The following NLRX1 variants were observed in gnomAD, a reference collection of about 807,000 sequenced individuals.
The protein encoded by NLRX1 is NLR family member X1.
NLRX1 carries 67 observed loss-of-function variants against 74.2 expected under a neutral mutation model. The ratio of observed to expected loss-of-function variants is 0.90; its 90% CI spans 0.74 to 1.11. The LOEUF (loss-of-function observed/expected upper bound fraction) is 1.11, where lower values mean the gene tolerates loss of function less well. Ranked by LOEUF, NLRX1 falls within the 50% of genes least tolerant of loss-of-function variation. The probability of loss-of-function intolerance (pLI) is 0.00; values close to 1 mark genes in which losing one functional copy is unlikely to be tolerated. For synonymous variants in NLRX1, 506 were observed against 559.1 expected (o/e 0.91, Z 1.34); for missense variants, 1,191 against 1,305.4 (o/e 0.91, Z 1.35).
chr11:119,170,058 A>G (rs60336388), intron 1 of NLRX1, among the ~76,000 whole-genome samples: 3,824 of 150,116 alleles, frequency 0.025, 198 homozygotes, highest in African/African-American at 0.088. Context: ...TAACAGAGGA[A>G]AAAGGTCATT....
chr11:119,180,005 C>T lies in NLRX1; in HGVS notation c.1984C>T (p.Leu662=), dbSNP rs1229648472. 5 of 1,613,718 alleles carry T rather than the reference C, an allele frequency of 3.1e-6. No individual in the cohort carries two copies. In the South Asian group the frequency reaches 4.4e-5, roughly 14 times the overall value. ...GAATGCCCAGGCCATCAAGAAGAAGCTGGGCAAGCTGGGCCGGCAGGTGCT... is the reference window on the plus strand; with the variant it reads ...GAATGCCCAGGCCATCAAGAAGAAGTTGGGCAAGCTGGGCCGGCAGGTGCT... The part of the protein sequence containing the change: ...LENAQAIKKK[L]GKLGRQVLPP... Residue 662 remains leucine (L), a synonymous_variant, in exon 7 of 10, where the codon CTG becomes TTG. Coordinates refer to ENST00000409109, the MANE Select transcript of NLRX1 (RefSeq NM_001282144.2).
At position 119,171,471 on chromosome 11, in the gene NLRX1, C is replaced by T. The variant is rs916676401; in HGVS notation, c.68C>T (p.Pro23Leu). ...GSGFRRALQR[P>L]DDRIPFLIHW... ...GGTTTTAGAAGAGCACTCCAGCGAC[C>T]AGGTGAGCAGGAAGCAGGGGTTTCT... The change falls in exon 2 of 10, where the codon CCA becomes CTA. Residue 23 changes from proline to leucine, a missense_variant and splice_region_variant. Transcript: ENST00000409109. 22 of 1,610,868 alleles carry T rather than the reference C, an allele frequency of 1.4e-5. No individual in the cohort carries two copies. The highest frequency in any genetic ancestry group is 1.7e-5 in the Non-Finnish European group (20 of 1,177,098).
At chr11:119,171,954 C>CA (rs555636753) in intron 2 of NLRX1, among the ~76,000 whole-genome samples, 1,620 of 134,946 alleles carry the variant, frequency 0.012, 21 homozygotes, top group African/African-American at 0.033. Flanking sequence ...GACTCTGTCT[C>CA]AAAAAAAAAA....
At chr11:119,178,617 G>T (rs565595525) in intron 6 of NLRX1, among the ~76,000 whole-genome samples, 1 of 152,204 alleles carries the variant, frequency 6.6e-6, no homozygotes, top group African/African-American at 2.4e-5. Flanking sequence ...GGAAGGGCAT[G>T]TCGTCTGACC....
chr11:119,182,752 T>C (rs540999909), intron 9 of NLRX1, among the ~76,000 whole-genome samples: 1 of 152,056 alleles, frequency 6.6e-6, no homozygotes, highest in East Asian at 1.9e-4. Flanking sequence ...CTGGGTGTGG[T>C]GGTGCGCACC....
rs1948618554 is a variant in NLRX1 at position 119,173,859 on chromosome 11, TC to T, written c.613del (p.Leu205TrpfsTer19). The T allele has an allele frequency of 3.1e-6, 5 of 1,613,594 alleles. No homozygotes were observed. The South Asian group carries it at 5.5e-5, about 18-fold the overall frequency. ...LIPFSCEDLS[S>X]LGPAPASLCQ... is the part of the protein sequence containing the mutation. ...CCCCTTCTCCTGTGAGGACCTGTCATCCCTGGGCCCTGCCCCAGCCTCCCTG... is the reference window on the plus strand; with the variant it reads ...CCCCTTCTCCTGTGAGGACCTGTCATCCTGGGCCCTGCCCCAGCCTCCCTG... On this transcript the variant is annotated frameshift_variant, in exon 5 of 10. Coordinates refer to ENST00000409109, the MANE Select transcript of NLRX1 (RefSeq NM_001282144.2). LOFTEE classifies it high-confidence loss of function. This position sits in a 1 kb window ranked among gnomAD's most constrained non-coding sequence, Gnocchi z 4.0.
Position 119,171,578 on chromosome 11 carries a change from C to G in NLRX1, c.70+105C>G, listed in dbSNP as rs143104172. ...ATCCAGACACCAGGTGCACTAGTCT[C>G]AGCTCCGTGGTTCTCTAGCTGTTGA... On this transcript the variant is annotated intron_variant, in intron 2 of 9. Coordinates refer to ENST00000409109, the MANE Select transcript of NLRX1 (RefSeq NM_001282144.2). The G allele has an allele frequency of 1.2e-4, 94 of 760,874 alleles. No individual in the cohort carries two copies. The African/African-American group carries it at 1.3e-3, about 10-fold the overall frequency. The allele number at this position is 760,874 out of a possible 1,614,324, so 47.1% of individuals were successfully genotyped here. A position where few individuals can be genotyped will look rare whatever the true frequency, so the allele number is the denominator to read the frequency against.
At chr11:119,180,538 C>T (rs1024716459) in intron 7 of NLRX1, among the ~76,000 whole-genome samples, 5 of 152,000 alleles carry the variant, frequency 3.3e-5, no homozygotes, top group African/African-American at 1.2e-4. Context: ...CCTGTCTCTA[C>T]TAAAAATACA....
rs1322248949 is a variant in NLRX1 at position 119,180,173 on chromosome 11, G to A, written c.2152G>A (p.Ala718Thr). The A allele has an allele frequency of 1.9e-6, 3 of 1,613,200 alleles. No homozygotes were observed. The South Asian group carries it at 3.3e-5, about 18-fold the overall frequency. The change falls in exon 7 of 10, where the codon GCT becomes ACT. Residue 718 changes from alanine to threonine, a missense_variant. Ala to Thr is a moderately conservative substitution (Grantham distance 58). Coordinates refer to ENST00000409109, the MANE Select transcript of NLRX1 (RefSeq NM_001282144.2). The part of the protein sequence containing the change: ...MTPVKCTVVA[A>T]VLGSGRHALD... Reference sequence around the variant, plus strand: ...ACCAGTCAAGTGCACAGTGGTGGCAGCTGTGCTGGGCAGCGGAAGGCATGC... The same window carrying A: ...ACCAGTCAAGTGCACAGTGGTGGCAACTGTGCTGGGCAGCGGAAGGCATGC...
At chr11:119,170,893 C>T (rs1405283191) in intron 1 of NLRX1, among the ~76,000 whole-genome samples, 2 of 152,230 alleles carry the variant, frequency 1.3e-5, no homozygotes, top group African/African-American at 4.8e-5. Flanking sequence ...CTTGTAATCC[C>T]AGCACTTTGC....
chr11:119,176,585 G>T (rs1311423394), intron 6 of NLRX1, among the ~76,000 whole-genome samples: 1 of 152,152 alleles, frequency 6.6e-6, no homozygotes, highest in Non-Finnish European at 1.5e-5. Context: ...TACTTGGGAG[G>T]CTGAGACGGG....
intron 5 of NLRX1, 38 bp downstream of exon 5, chr11:119,174,136 G>T: frequency 6.3e-7 from 1 of 1,598,790 alleles, no homozygotes; most frequent in Non-Finnish European, 8.5e-7. Context: ...ACTGCTGCCC[G>T]TTGACTCGCC....
In NLRX1 at chr11:119,183,584, C is replaced by G; in HGVS notation, c.*145C>G. The stretch of plus-strand genomic sequence containing the variant: ...GGGCATAGCTGAGCCAGTTGCCCTC[C>G]TAGGGCATGTTTGACCAGGACTGAG... On this transcript the variant is annotated 3_prime_UTR_variant, in exon 10 of 10. Coordinates refer to ENST00000409109, the MANE Select transcript of NLRX1 (RefSeq NM_001282144.2). The surrounding 1 kb of genome is among the most constrained non-coding windows in gnomAD (Gnocchi z 5.7). The G allele has an allele frequency of 8.6e-6, 7 of 810,308 alleles. No homozygotes were observed. Among genetic ancestry groups the G allele is most frequent in the African/African-American group, 1.7e-5 (1 of 59,352 alleles). The allele number at this position is 810,308 out of a possible 1,614,324, so 50.2% of individuals were successfully genotyped here.
Position 119,173,214 on chromosome 11 carries a change from C to A in NLRX1, c.229+225C>A. The A allele has an allele frequency of 1.6e-6, 1 of 614,700 alleles. No homozygotes were observed. Among genetic ancestry groups the A allele is most frequent in the Non-Finnish European group, 2.9e-6 (1 of 349,332 alleles). The allele number at this position is 614,700 out of a possible 1,614,324, so 38.1% of individuals were successfully genotyped here. ...CTAGGAGAGCCATACCATCCCTATGCTCAACAAAGTTGGGTCAAGCAGGTT... is the reference window on the plus strand; with the variant it reads ...CTAGGAGAGCCATACCATCCCTATGATCAACAAAGTTGGGTCAAGCAGGTT... On this transcript the variant is annotated intron_variant, in intron 4 of 9. Coordinates refer to ENST00000409109, the MANE Select transcript of NLRX1 (RefSeq NM_001282144.2). The surrounding 1 kb of genome is among the most constrained non-coding windows in gnomAD (Gnocchi z 4.0).
chr11:119,179,732 C>T lies in NLRX1; in HGVS notation c.1711C>T (p.Arg571Trp), dbSNP rs1026471552. The T allele has an allele frequency of 9.9e-6, 16 of 1,610,468 alleles. No individual in the cohort carries two copies. The highest frequency in any genetic ancestry group is 4.5e-5 in the East Asian group (2 of 44,808). Residue 571 changes from arginine (R) to tryptophan (W), a missense_variant, in exon 7 of 10, where the codon CGG becomes TGG. Coordinates refer to ENST00000409109, the MANE Select transcript of NLRX1 (RefSeq NM_001282144.2). The part of the protein sequence containing the change: ...RVFGRMVGKS[R>W]EAVAQAMVLE... ...GTTTGGGCGCATGGTGGGTAAAAGC[C>T]GGGAGGCGGTGGCTCAGGCCATGGT... is the stretch of plus-strand genomic sequence containing the variant.
intron 5 of NLRX1, 104 bp from the exon 6 acceptor site, chr11:119,174,349 A>T: frequency 8.2e-7 from 1 of 1,213,320 alleles, no homozygotes; most frequent in Non-Finnish European, 1.2e-6. Context: ...TATCCTCATC[A>T]ATGTCTTCAT....
Position 119,174,896 on chromosome 11 carries a change from G to A in NLRX1, c.1293G>A (p.Lys431=), listed in dbSNP as rs1375497248. The change falls in exon 6 of 10, where the codon AAG becomes AAA. Residue 431 remains lysine (K), a synonymous_variant. Coordinates refer to ENST00000409109, the MANE Select transcript of NLRX1 (RefSeq NM_001282144.2). ...CCTATGCAGCCCGAACCATGGGCAA[G>A]TTGGCCTATGAGGGGGTGTCCTCCC... ...LMAYAARTMG[K]LAYEGVSSRK... 4.3e-6 allele frequency: 7 copies of A among 1,614,096 alleles called. No homozygotes were observed. The highest frequency in any genetic ancestry group is 2.2e-5 in the East Asian group (1 of 44,888).
In NLRX1 at chr11:119,183,287, C is replaced by T. The variant is rs765609054; in HGVS notation, c.2776C>T (p.Arg926Trp). The T allele has an allele frequency of 7.4e-6, 12 of 1,614,190 alleles. No individual in the cohort carries two copies. The highest frequency in any genetic ancestry group is 6.8e-6 in the Non-Finnish European group (8 of 1,180,038). Residue 926 changes from arginine (R) to tryptophan (W), a missense_variant, in exon 10 of 10, where the codon CGG (arginine) becomes TGG (tryptophan). By Grantham distance (101) the Arg-to-Trp change is moderately radical. Transcript: ENST00000409109. The surrounding 1 kb of genome is among the most constrained non-coding windows in gnomAD (Gnocchi z 5.7). ...CCAGCGGAACCTCAATAGCTGGGAT[C>T]GGGCCCGGGTTCAGCGACACCTTGA... The part of the protein sequence containing the change: ...EVQRNLNSWD[R>W]ARVQRHLELL...
Position 119,168,771 on chromosome 11 carries a change from G to C in NLRX1, c.-580G>C, listed in dbSNP as rs1948460950. On this transcript the variant is annotated 5_prime_UTR_variant, in exon 1 of 10. Coordinates refer to ENST00000409109, the MANE Select transcript of NLRX1 (RefSeq NM_001282144.2). ...AGGGAGGGGGGACGATGGCGGGACG[G>C]GTGGCGCCGGGGTTCCAGCCCTGCG... The C allele has an allele frequency of 6.6e-6, 1 of 152,364 alleles. No individual in the cohort carries two copies. Among genetic ancestry groups the C allele is most frequent in the African/African-American group, 2.4e-5 (1 of 41,456 alleles). 9.4% of individuals were successfully genotyped at this position (152,364 alleles called of 1,614,324 possible). A position where few individuals can be genotyped will look rare whatever the true frequency, so the allele number is the denominator to read the frequency against.
Sources: allele counts gnomAD v4.1 joint callset (sites outside exome capture counted in the v4.1 genomes callset), GRCh38; gene constraint gnomAD v4.1.1; non-coding constraint Gnocchi (gnomAD v3.1); transcripts MANE v1.5; gene names NCBI Gene and HGNC (gene_info 2026-07-23, HGNC 2026-07-21).